CAST: variants seen among roughly 807,000 people sequenced by gnomAD.
CAST encodes MIR583 host.
Under a neutral mutation model 119.6 loss-of-function variants are expected in CAST, and 76 were observed. That is an observed-to-expected ratio of 0.64 (90% confidence interval 0.53 to 0.77). The LOEUF is 0.77. Ranked by LOEUF, CAST falls within the 30% of genes least tolerant of loss-of-function variation. The pLI is 0.00. For missense variants in CAST, 953 were observed against 946.5 expected (o/e 1.01, Z -0.09); for synonymous variants, 319 against 331.6 (o/e 0.96, Z 0.41).
chr5:96,211,004 G>A, the CAST span, among the ~76,000 whole-genome samples: 6 of 151,734 alleles, frequency 4.0e-5, no homozygotes, highest in Admixed American at 2.0e-4. Context: ...ATCCATTTTT[G>A]TATGTTCATT....
At chr5:96,276,510 T>C in the CAST span, among the ~76,000 whole-genome samples, 1 of 152,180 alleles carries the variant, frequency 6.6e-6, no homozygotes, top group Non-Finnish European at 1.5e-5. Flanking sequence ...AGAACTGAGA[T>C]TGAAGATGGT....
the CAST span, among the ~76,000 whole-genome samples, chr5:96,412,694 T>C: frequency 1.3e-5 from 2 of 151,208 alleles, no homozygotes; most frequent in Admixed American, 6.6e-5. Context: ...ATAAGCTTTT[T>C]TGTCGCACTT....
At chr5:96,113,804 C>T in the CAST span, among the ~76,000 whole-genome samples, 1 of 152,192 alleles carries the variant, frequency 6.6e-6, no homozygotes, top group Admixed American at 6.5e-5. Context: ...CTGACTAAGA[C>T]TCCTCCTTAG....
At chr5:96,273,337 G>C in the CAST span, among the ~76,000 whole-genome samples, 1 of 152,190 alleles carries the variant, frequency 6.6e-6, no homozygotes, top group African/African-American at 2.4e-5. Flanking sequence ...CAAGAGATTG[G>C]AGCATTTGAG....
At chr5:96,740,821 G>A (rs934028070) in intron 13 of CAST, 38 bp downstream of exon 13, 2 of 1,423,568 alleles carry the variant, frequency 1.4e-6, no homozygotes, top group East Asian at 2.3e-5. Context: ...TAAATTAATA[G>A]TTTTATATTT....
At chr5:96,552,457 G>C (rs1362039318) in intron 1 of CAST, among the ~76,000 whole-genome samples, 1 of 152,142 alleles carries the variant, frequency 6.6e-6, no homozygotes, top group Non-Finnish European at 1.5e-5. Context: ...ATGCCCACAG[G>C]AGAAAGCAGG....
At chr5:96,640,927 C>T (rs1747942235) in intron 1 of CAST, among the ~76,000 whole-genome samples, 1 of 152,082 alleles carries the variant, frequency 6.6e-6, no homozygotes, top group African/African-American at 2.4e-5. Flanking sequence ...GAGGGGGATC[C>T]GGATGGCTTA....
the CAST span, among the ~76,000 whole-genome samples, chr5:96,143,952 GCAAT>G: frequency 6.6e-6 from 1 of 152,018 alleles, no homozygotes; most frequent in Admixed American, 6.6e-5. Flanking sequence ...TGAGAATTAG[GCAAT>G]CAGACACTTG....
chr5:96,061,264 A>T, the CAST span, among the ~76,000 whole-genome samples: 2 of 152,100 alleles, frequency 1.3e-5, no homozygotes, highest in Non-Finnish European at 2.9e-5. Context: ...CTGGGCTGCT[A>T]CTGAGCACTA....
At chr5:96,535,564 ATTTTTTTTTTTTTTT>A (rs767087154) in intron 1 of CAST, among the ~76,000 whole-genome samples, 1 of 88,402 alleles carries the variant, frequency 1.1e-5, no homozygotes, top group Admixed American at 1.5e-4. Flanking sequence ...TAAATAAACA[ATTTTTTTTTTTTTTT>A]TTTTTTTTTT....
the CAST span, among the ~76,000 whole-genome samples, chr5:96,290,561 C>T: frequency 6.6e-6 from 1 of 152,190 alleles, no homozygotes; most frequent in African/African-American, 2.4e-5. Context: ...GACGATGAAG[C>T]TTCCCCTATG....
At position 96,748,628 on chromosome 5, in the gene CAST, A is replaced by C; in HGVS notation, c.1428+15A>C. ...AAAAGACAGAAGTATGTTTCTAAAC[A>C]TATAAATCTCTAGTTTTGAGGTTTG... On this transcript the variant is annotated intron_variant, in intron 19 of 31. Coordinates refer to ENST00000675179, the MANE Select transcript of CAST (RefSeq NM_001750.7). 8.2e-7 allele frequency: 1 copy of C among 1,217,920 alleles called. No individual in the cohort carries two copies. Among genetic ancestry groups the C allele is most frequent in the Non-Finnish European group, 1.2e-6 (1 of 825,784 alleles). The allele number at this position is 1,217,920 out of a possible 1,614,324, so 75.4% of individuals were successfully genotyped here.
the CAST span, among the ~76,000 whole-genome samples, chr5:96,364,675 T>C: frequency 6.6e-6 from 1 of 152,246 alleles, no homozygotes; most frequent in Non-Finnish European, 1.5e-5. Flanking sequence ...TGATATCCCC[T>C]TTATCATTTT....
chr5:96,445,326 G>A, the CAST span, among the ~76,000 whole-genome samples: 4 of 152,238 alleles, frequency 2.6e-5, no homozygotes, highest in East Asian at 5.8e-4. Context: ...CAGCTACTAC[G>A]CAGGCTGAGG....
the CAST span, among the ~76,000 whole-genome samples, chr5:96,443,781 T>C: frequency 2.0e-5 from 3 of 152,236 alleles, no homozygotes; most frequent in Admixed American, 2.0e-4. Context: ...CTACGCTCTA[T>C]ATCCTTCTGC....
At chr5:96,405,724 A>C in the CAST span, among the ~76,000 whole-genome samples, 1 of 152,204 alleles carries the variant, frequency 6.6e-6, no homozygotes, top group Non-Finnish European at 1.5e-5. Context: ...ATTTTCCACT[A>C]TACAGAAAAA....
At chr5:96,027,449 G>A in the CAST span, among the ~76,000 whole-genome samples, 1 of 151,786 alleles carries the variant, frequency 6.6e-6, no homozygotes, top group Admixed American at 6.6e-5. Context: ...TTGAAAATGG[G>A]GGCCAGTGAA....
At chr5:96,594,382 A>T (rs1268142272) in intron 1 of CAST, among the ~76,000 whole-genome samples, 1 of 152,246 alleles carries the variant, frequency 6.6e-6, no homozygotes, top group Non-Finnish European at 1.5e-5. Context: ...ATGTAAACAG[A>T]AAAACAGTCG....
chr5:96,206,790 T>C, the CAST span, among the ~76,000 whole-genome samples: 1 of 152,156 alleles, frequency 6.6e-6, no homozygotes, highest in African/African-American at 2.4e-5. Context: ...ATTTGGGCTC[T>C]TCATATTAGT....
Sources: allele counts gnomAD v4.1 joint callset (sites outside exome capture counted in the v4.1 genomes callset), GRCh38; gene constraint gnomAD v4.1.1; transcripts MANE v1.5; gene names NCBI Gene and HGNC (gene_info 2026-07-23, HGNC 2026-07-21).